The following PCDH11X variants were observed in gnomAD, a reference collection of about 807,000 sequenced individuals.
PCDH11X encodes protocadherin-11 X-linked.
PCDH11X carries 18 observed loss-of-function variants against 53.3 expected under a neutral mutation model. That is an observed-to-expected ratio of 0.34 (90% CI 0.23 to 0.50). The LOEUF is 0.50. PCDH11X is among the 20% of genes least tolerant of loss of function. The pLI is 0.98. For missense variants in PCDH11X, 570 were observed against 1,032.4 expected, an observed-to-expected ratio of 0.55 and a Z score of 6.14; for synonymous variants, 279 against 393.3, an observed-to-expected ratio of 0.71 and a Z score of 3.44.
At chrX:92,117,015 T>G (rs1472836238) in intron 6 of PCDH11X, among the ~76,000 whole-genome samples, 2 of 109,247 alleles carry the variant, frequency 1.8e-5, no homozygotes, top group Admixed American at 1.0e-4. Context: ...GAAGGCCTCT[T>G]TTGCAATATG....
At chrX:92,138,802 C>A (rs1307334776) in intron 6 of PCDH11X, among the ~76,000 whole-genome samples, 2 of 110,455 alleles carry the variant, frequency 1.8e-5, no homozygotes, top group African/African-American at 6.6e-5. Flanking sequence ...TGTCTTTTAT[C>A]AGTTTCATAA....
chrX:91,825,258 G>T (rs1331910888), intron 4 of PCDH11X, among the ~76,000 whole-genome samples: 3 of 109,354 alleles, frequency 2.7e-5, no homozygotes, highest in African/African-American at 1.1e-4. Context: ...GCAATGGCGG[G>T]TGCCCCTCCC....
chrX:92,411,964 GA>G (rs2071674743), intron 9 of PCDH11X, among the ~76,000 whole-genome samples: 10 of 39,482 alleles, frequency 2.5e-4, no homozygotes, highest in East Asian at 8.5e-4. Context: ...GGAGGAGGAG[GA>G]GGAGGGAAGA....
At chrX:92,110,654 G>A (rs967526780) in intron 6 of PCDH11X, among the ~76,000 whole-genome samples, 1 of 111,471 alleles carries the variant, frequency 9.0e-6, no homozygotes, top group African/African-American at 3.3e-5. Context: ...GACTGCACCT[G>A]TAAAGATAAG....
intron 6 of PCDH11X, among the ~76,000 whole-genome samples, chrX:92,129,470 A>G (rs1409867160): frequency 8.9e-6 from 1 of 112,089 alleles, no homozygotes; most frequent in Admixed American, 9.5e-5. Context: ...CCAAACTGAC[A>G]TAAGACTAAC....
chrX:92,256,183 G>A (rs1055302088), intron 7 of PCDH11X, among the ~76,000 whole-genome samples: 2 of 111,784 alleles, frequency 1.8e-5, no homozygotes, highest in Non-Finnish European at 3.8e-5. Flanking sequence ...TCGGGTGGGA[G>A]TGACCCGATT....
At chrX:92,345,165 G>A (rs1382509819) in intron 8 of PCDH11X, among the ~76,000 whole-genome samples, 1 of 111,058 alleles carries the variant, frequency 9.0e-6, no homozygotes, top group Non-Finnish European at 1.9e-5. Flanking sequence ...AAGAGAATAT[G>A]AAGATACAAT....
At chrX:92,030,984 T>C (rs1180072338) in intron 6 of PCDH11X, among the ~76,000 whole-genome samples, 1 of 109,600 alleles carries the variant, frequency 9.1e-6, no homozygotes, top group Non-Finnish European at 1.9e-5. Context: ...TGGTTTCCTT[T>C]CTTTGGGGTA....
At chrX:92,122,900 G>GAT (rs2148181809) in intron 6 of PCDH11X, among the ~76,000 whole-genome samples, 1 of 111,102 alleles carries the variant, frequency 9.0e-6, no homozygotes, top group African/African-American at 3.3e-5. Flanking sequence ...TCATGCCACT[G>GAT]CACTCCAGCC....
chrX:92,062,481 A>T (rs1416094555), intron 6 of PCDH11X, among the ~76,000 whole-genome samples: 1 of 111,425 alleles, frequency 9.0e-6, no homozygotes, highest in Non-Finnish European at 1.9e-5. Context: ...AGCTCTTACT[A>T]TTTTGAGGTA....
chrX:92,008,744 C>T (rs1251659455), intron 6 of PCDH11X, among the ~76,000 whole-genome samples: 4 of 109,496 alleles, frequency 3.7e-5, no homozygotes, highest in Admixed American at 2.9e-4. Context: ...ATATTTCCTG[C>T]TCTTTCCAAA....
chrX:92,149,451 CTCTCTGTG>C (rs1267167928), intron 6 of PCDH11X, among the ~76,000 whole-genome samples: 6 of 100,140 alleles, frequency 6.0e-5, no homozygotes, highest in Admixed American at 1.2e-4. Flanking sequence ...CTCTCTCTCT[CTCTCTGTG>C]TGTGTGTGTG....
At chrX:92,065,087 G>A (rs369622831) in intron 6 of PCDH11X, among the ~76,000 whole-genome samples, 2 of 99,820 alleles carry the variant, frequency 2.0e-5, no homozygotes, top group African/African-American at 4.2e-5. Flanking sequence ...CCTGGGGCTC[G>A]TGGGTATGCT....
At chrX:92,006,970 A>G (rs899088191) in intron 6 of PCDH11X, among the ~76,000 whole-genome samples, 10 of 111,254 alleles carry the variant, frequency 9.0e-5, no homozygotes, top group Non-Finnish European at 1.5e-4. Flanking sequence ...GTCCCTCTCT[A>G]TCTTTTCTAA....
In PCDH11X at chrX:92,101,785, T is replaced by C. The variant is rs187410371; in HGVS notation, c.3034-99590T>C. ...CCAGTCCTGGGTGGGGGCAAATCCT[T>C]GAGCTTGATGTGTAGGGAAGGGAGG... On this transcript the variant is annotated intron_variant, in intron 6 of 10. Transcript: ENST00000682573. Among the ~76,000 whole-genome samples the C allele has an allele frequency of 2.9e-3, 313 of 109,375 alleles. 1 individual carries two copies. The highest frequency in any genetic ancestry group is 0.026 in the East Asian group (91 of 3,450). The allele number at this position is 109,375 out of a possible 115,157, so 95.0% of individuals were successfully genotyped here.
chrX:92,543,710 G>A (rs1282029968), intron 10 of PCDH11X, among the ~76,000 whole-genome samples: 5 of 108,722 alleles, frequency 4.6e-5, no homozygotes, highest in Non-Finnish European at 9.6e-5. Context: ...TCCGGGAGGT[G>A]GAGGTTGCAG....
intron 7 of PCDH11X, among the ~76,000 whole-genome samples, chrX:92,234,146 A>T (rs1227224571): frequency 2.7e-5 from 3 of 112,496 alleles, no homozygotes; most frequent in African/African-American, 9.7e-5. Flanking sequence ...AAAAAAATAC[A>T]TCTTTTATTT....
chrX:92,175,056 A>G (rs1381891708), intron 6 of PCDH11X, among the ~76,000 whole-genome samples: 1 of 110,547 alleles, frequency 9.0e-6, no homozygotes, highest in Non-Finnish European at 1.9e-5. Flanking sequence ...GCTCGCCACA[A>G]CCTCTGCCTC....
At chrX:92,288,621 G>A (rs34565267) in intron 8 of PCDH11X, among the ~76,000 whole-genome samples, 3 of 111,111 alleles carry the variant, frequency 2.7e-5, no homozygotes, top group Admixed American at 9.6e-5. Flanking sequence ...AAGGTAGGAC[G>A]TCATTTCTTT....
Sources: allele counts gnomAD v4.1 joint callset (sites outside exome capture counted in the v4.1 genomes callset), GRCh38; gene constraint gnomAD v4.1.1; transcripts MANE v1.5; gene names NCBI Gene and HGNC (gene_info 2026-07-23, HGNC 2026-07-21).